Variants in TGFB1 observed in about 807,000 individuals in gnomAD.
TGFB1 encodes the protein transforming growth factor beta 1.
In TGFB1, 19 loss-of-function variants were observed where a neutral mutation model predicts 43.8. That is an observed-to-expected ratio of 0.43 (90% CI 0.30 to 0.64). The LOEUF (loss-of-function observed/expected upper bound fraction) is 0.64. Ranked by LOEUF, TGFB1 falls within the 30% of genes least tolerant of loss-of-function variation. The pLI is 0.11. For missense variants in TGFB1, 445 were observed against 529.8 expected (o/e 0.84, Z 1.57); for synonymous variants, 221 against 236.3 (o/e 0.94, Z 0.60).
At chr19:41,346,611 T>C (rs2038118752) in intron 2 of TGFB1, among the ~76,000 whole-genome samples, 1 of 152,230 alleles carries the variant, frequency 6.6e-6, no homozygotes, top group African/African-American at 2.4e-5. Context: ...AGAGCAGTGC[T>C]GTCCTAAAGA....
chr19:41,348,751 G>T (rs1293758787), intron 1 of TGFB1, among the ~76,000 whole-genome samples: 4 of 151,788 alleles, frequency 2.6e-5, no homozygotes, highest in Non-Finnish European at 5.9e-5. Context: ...AGCCTCCCGA[G>T]CAGCTGGGAC....
intron 2 of TGFB1, among the ~76,000 whole-genome samples, chr19:41,347,126 AATCCTCCCAC>A (rs2038125216): frequency 6.6e-6 from 1 of 151,684 alleles, no homozygotes; most frequent in African/African-American, 2.4e-5. Flanking sequence ...GGGCTCAATC[AATCCTCCCAC>A]CTCAGACTAC....
intron 6 of TGFB1, 114 bp downstream of exon 6, chr19:41,332,014 T>C (rs2037937242): frequency 1.6e-6 from 2 of 1,236,088 alleles, no homozygotes; most frequent in Non-Finnish European, 2.3e-6. Context: ...CCCATCCCTC[T>C]CTTTCTCCCC....
intron 5 of TGFB1, among the ~76,000 whole-genome samples, chr19:41,338,262 G>A (rs2038011420): frequency 6.6e-6 from 1 of 151,362 alleles, no homozygotes; most frequent in Non-Finnish European, 1.5e-5. Context: ...GGGAGGCTGA[G>A]GCGGGTAGAT....
intron 5 of TGFB1, among the ~76,000 whole-genome samples, chr19:41,340,375 G>A (rs968727462): frequency 4.7e-5 from 7 of 150,454 alleles, no homozygotes; most frequent in African/African-American, 1.7e-4. Flanking sequence ...TCCTGCCCCA[G>A]CCTGGGTACC....
intron 5 of TGFB1, among the ~76,000 whole-genome samples, chr19:41,341,466 CAAAAAAAAAAAA>C (rs770264069): frequency 5.6e-5 from 2 of 35,586 alleles, no homozygotes; most frequent in African/African-American, 2.5e-4. Flanking sequence ...GACTCTGTCT[CAAAAAAAAAAAA>C]AAAAAAAAAA....
chr19:41,343,980 C>CT (rs3061192), intron 3 of TGFB1, among the ~76,000 whole-genome samples: 4,041 of 98,608 alleles, frequency 0.041, 189 homozygotes, highest in African/African-American at 0.057. Context: ...TGCCTGGAAT[C>CT]TTTTTTTTTT....
intron 5 of TGFB1, among the ~76,000 whole-genome samples, chr19:41,338,761 C>G (rs1344814954): frequency 6.6e-6 from 1 of 151,638 alleles, no homozygotes; most frequent in Non-Finnish European, 1.5e-5. Flanking sequence ...ATCACTTGAA[C>G]CCGGGAGGCA....
chr19:41,350,265 A>G (rs1008130591), intron 1 of TGFB1, among the ~76,000 whole-genome samples: 1 of 151,444 alleles, frequency 6.6e-6, no homozygotes, highest in African/African-American at 2.4e-5. Flanking sequence ...CTGGGTAGGA[A>G]TGGCTGTAGT....
At chr19:41,348,130 C>CAAAAAAAA (rs11347492) in intron 2 of TGFB1, among the ~76,000 whole-genome samples, 165 bp downstream of exon 2, 1 of 136,762 alleles carries the variant, frequency 7.3e-6, no homozygotes. Flanking sequence ...GACACTGTCT[C>CAAAAAAAA]AAAAAAAAAA....
intron 1 of TGFB1, 66 bp downstream of exon 1, chr19:41,352,624 G>A (rs1024239874): frequency 1.3e-6 from 2 of 1,570,580 alleles, no homozygotes; most frequent in East Asian, 4.6e-5. Context: ...CTTCCTACCC[G>A]TGGCCCCGGC....
chr19:41,346,795 C>T (rs985832577), intron 2 of TGFB1, among the ~76,000 whole-genome samples: 2 of 151,006 alleles, frequency 1.3e-5, no homozygotes, highest in Non-Finnish European at 2.9e-5. Flanking sequence ...GTATGATCTC[C>T]GCTCACTGCA....
intron 5 of TGFB1, among the ~76,000 whole-genome samples, chr19:41,334,673 G>T (rs909111521): frequency 8.6e-5 from 13 of 151,830 alleles, no homozygotes; most frequent in African/African-American, 3.1e-4. Context: ...AGCTACTGGG[G>T]AGTCTGAGGC....
Position 41,353,535 on chromosome 19 carries a change from G to C in TGFB1, c.-491C>G, listed in dbSNP as rs1009623063. On this transcript the variant is annotated 5_prime_UTR_variant, in exon 1 of 7. Coordinates refer to ENST00000221930, the MANE Select transcript of TGFB1 (RefSeq NM_000660.7). The surrounding 1 kb of genome is among the most constrained non-coding windows in gnomAD (Gnocchi z 5.9). Reference sequence around the variant, plus strand: ...AGCGTCCCCGGCGGCAAAGGGAGGCGGTCTGGGGTCCCCAAGTCCTGCCTC... The same window carrying C: ...AGCGTCCCCGGCGGCAAAGGGAGGCCGTCTGGGGTCCCCAAGTCCTGCCTC... The C allele has an allele frequency of 2.6e-5, 4 of 154,406 alleles. No individual in the cohort carries two copies. Among genetic ancestry groups the C allele is most frequent in the African/African-American group, 9.6e-5 (4 of 41,502 alleles). 9.6% of individuals were successfully genotyped at this position (154,406 alleles called of 1,614,324 possible). A position where few individuals can be genotyped will look rare whatever the true frequency, so the allele number is the denominator to read the frequency against.
chr19:41,331,110 C>G lies in TGFB1; in HGVS notation c.1115G>C (p.Arg372Pro), dbSNP rs1356986799. 2.5e-6 allele frequency: 4 copies of G among 1,588,408 alleles called. No homozygotes were observed. Among genetic ancestry groups the G allele is most frequent in the African/African-American group, 2.7e-5 (2 of 74,538 alleles). ...EPLPIVYYVG[R>P]KPKVEQLSNM... The stretch of plus-strand genomic sequence containing the variant: ...GGACAGCTGCTCCACCTTGGGCTTG[C>G]GGCCCACGTAGTACACGATGGGCAG... Residue 372 changes from arginine (R) to proline (P), a missense_variant, in exon 7 of 7, where the codon CGC (arginine) becomes CCC (proline). Around this residue, in one of 3 missense-constraint regions of TGFB1, gnomAD observed 56 missense variants for 46.9 expected, o/e 1.19. Coordinates refer to ENST00000221930, the MANE Select transcript of TGFB1 (RefSeq NM_000660.7).
intron 2 of TGFB1, among the ~76,000 whole-genome samples, chr19:41,345,907 A>G (rs1208029952): frequency 3.3e-5 from 5 of 152,078 alleles, no homozygotes; most frequent in African/African-American, 9.7e-5. Flanking sequence ...GTCTCAAAAA[A>G]AAAAAAAGTC....
intron 1 of TGFB1, among the ~76,000 whole-genome samples, 174 bp downstream of exon 1, chr19:41,352,516 C>T (rs911165118): frequency 1.3e-5 from 2 of 152,170 alleles, no homozygotes; most frequent in African/African-American, 4.8e-5. Context: ...TGGTAGGGGG[C>T]TCAGTGCCAT....
At chr19:41,348,954 G>A (rs1349585749) in intron 1 of TGFB1, among the ~76,000 whole-genome samples, 1 of 152,028 alleles carries the variant, frequency 6.6e-6, no homozygotes, top group East Asian at 1.9e-4. Context: ...GTGTGACCTT[G>A]AGGAAGTGGT....
rs1045284910 is a variant in TGFB1, at chr19:41,330,397, A to C, written c.*655T>G. On this transcript the variant is annotated 3_prime_UTR_variant, in exon 7 of 7. Transcript: ENST00000221930. ...AGAGTAGCTGGGACCACAGGTGTAC[A>C]TTTTTTAAAAGTGTTTTGTAGAGAT... is the stretch of plus-strand genomic sequence containing the variant. 8.6e-5 allele frequency: 13 copies of C among 152,026 alleles called. No individual in the cohort carries two copies. The highest frequency in any genetic ancestry group is 3.1e-4 in the African/African-American group (13 of 41,366). 9.4% of individuals were successfully genotyped at this position (152,026 alleles called of 1,614,324 possible).
Sources: allele counts gnomAD v4.1 joint callset (sites outside exome capture counted in the v4.1 genomes callset), GRCh38; gene constraint gnomAD v4.1.1; regional missense constraint gnomAD v4.1.1; non-coding constraint Gnocchi (gnomAD v3.1); transcripts MANE v1.5; gene names NCBI Gene and HGNC (gene_info 2026-07-23, HGNC 2026-07-21).